The following ATP7A variants were observed in gnomAD, a reference collection of about 807,000 sequenced individuals.
ATP7A encodes ATPase copper transporting alpha, also known as copper-transporting ATPase 1.
Under a neutral mutation model 83.5 loss-of-function variants are expected in ATP7A, and 7 were observed. The ratio of observed to expected loss-of-function variants is 0.08; its 90% confidence interval spans 0.05 to 0.16. The LOEUF is 0.16. Ranked by LOEUF, ATP7A falls within the 10% of genes least tolerant of loss-of-function variation. The probability of loss-of-function intolerance (pLI) is 1.00; values close to 1 mark genes in which losing one functional copy is unlikely to be tolerated. For missense variants in ATP7A, 940 were observed against 1,120.8 expected (o/e 0.84, Z 2.30); for synonymous variants, 354 against 395.2 (o/e 0.90, Z 1.24).
intron 1 of ATP7A, among the ~76,000 whole-genome samples, chrX:77,952,593 C>G (rs2077419004): frequency 9.0e-6 from 1 of 111,064 alleles, no homozygotes; most frequent in Non-Finnish European, 1.9e-5. Flanking sequence ...CTTTTAAAGA[C>G]TCTTTAATGT....
At chrX:77,946,540 GA>G (rs2077380611) in intron 1 of ATP7A, among the ~76,000 whole-genome samples, 1 of 109,816 alleles carries the variant, frequency 9.1e-6, no homozygotes, top group African/African-American at 3.3e-5. Context: ...AATCAGAAGA[GA>G]GGGCAAAGTC....
intron 19 of ATP7A, among the ~76,000 whole-genome samples, chrX:78,041,698 C>A (rs1200165151): frequency 8.9e-6 from 1 of 112,080 alleles, no homozygotes; most frequent in Non-Finnish European, 1.9e-5. Flanking sequence ...CATATATGTG[C>A]ATATACAGAG....
intron 14 of ATP7A, among the ~76,000 whole-genome samples, chrX:78,027,462 C>G (rs1042436595): frequency 3.4e-4 from 38 of 111,614 alleles, no homozygotes; most frequent in African/African-American, 1.2e-3. Flanking sequence ...AAGACACAAA[C>G]AAATGGAAAA....
chrX:77,958,548 CT>C (rs1439566139), intron 1 of ATP7A, among the ~76,000 whole-genome samples: 1 of 110,712 alleles, frequency 9.0e-6, no homozygotes, highest in East Asian at 2.8e-4. Context: ...CAGCCTTGTT[CT>C]TTTTGCTTCA....
chrX:77,993,912 A>AT (rs782194748), intron 4 of ATP7A, among the ~76,000 whole-genome samples: 180 of 111,050 alleles, frequency 1.6e-3, no homozygotes, highest in African/African-American at 5.3e-3. Context: ...AATAGCTAGC[A>AT]TTTTTTTAGG....
At chrX:77,978,150 T>C (rs1557230531) in intron 2 of ATP7A, among the ~76,000 whole-genome samples, 2 of 111,780 alleles carry the variant, frequency 1.8e-5, no homozygotes, top group Non-Finnish European at 3.8e-5. Context: ...TCAATGACTC[T>C]TCTGTTAGAC....
intron 1 of ATP7A, chrX:77,966,692 T>G: frequency 3.5e-6 from 1 of 284,584 alleles, no homozygotes; most frequent in African/African-American, 2.7e-5. Flanking sequence ...GTAATGAAAA[T>G]GTTTTGCAAC....
In ATP7A at chrX:78,013,105, T is replaced by C; in HGVS notation, c.2399T>C (p.Ile800Thr). 8.3e-7 allele frequency: 1 copy of C among 1,202,728 alleles called. No homozygotes were observed. Among genetic ancestry groups the C allele is most frequent in the Non-Finnish European group, 1.1e-6 (1 of 887,293 alleles). ...GCACTAGGCCGATGGCTGGAACATA[T>C]AGCAAAGGTAAAGTAAGAAAGGGTG... is the stretch of plus-strand genomic sequence containing the variant. ...FIALGRWLEH[I>T]AKGKTSEALA... is the part of the protein sequence containing the mutation. The change falls in exon 10 of 23, where the codon ATA (isoleucine) becomes ACA (threonine). Residue 800 changes from isoleucine to threonine, a missense_variant. Ile to Thr is a moderately conservative substitution (Grantham distance 89). Around this residue, in one of 3 missense-constraint regions of ATP7A, gnomAD observed 204 missense variants for 185.8 expected, o/e 1.10. Transcript: ENST00000341514.
chrX:77,926,764 G>A lies in ATP7A; in HGVS notation c.-22+15929G>A, dbSNP rs185814521. On this transcript the variant is annotated intron_variant, in intron 1 of 22. Transcript: ENST00000341514. ...GTCACCCAGGCTAGAATGCAGTGGC[G>A]CAATCTCAGCTCACTGCAACCTCCA... Among the ~76,000 whole-genome samples, 47 of 108,560 alleles carry A rather than the reference G, an allele frequency of 4.3e-4. No homozygotes were observed. The East Asian group carries it at 7.8e-3, about 18-fold the overall frequency. The allele number at this position is 108,560 out of a possible 115,157, so 94.3% of individuals were successfully genotyped here.
intron 1 of ATP7A, among the ~76,000 whole-genome samples, chrX:77,932,080 C>G (rs1216806131): frequency 9.0e-6 from 1 of 110,740 alleles, no homozygotes; most frequent in African/African-American, 3.3e-5. Flanking sequence ...GGGTGGCTGC[C>G]GGGCGGAGAC....
intron 2 of ATP7A, among the ~76,000 whole-genome samples, chrX:77,974,001 ATTTAAG>A (rs782448276): frequency 2.5e-4 from 28 of 111,485 alleles, no homozygotes; most frequent in Non-Finnish European, 4.5e-4. Flanking sequence ...TAAATTTTAA[ATTTAAG>A]TTTAATTTCA....
intron 16 of ATP7A, among the ~76,000 whole-genome samples, 175 bp from the exon 17 acceptor site, chrX:78,033,430 G>A (rs1557237386): frequency 8.9e-6 from 1 of 112,974 alleles, no homozygotes; most frequent in African/African-American, 3.2e-5. Flanking sequence ...CTGTAACTTT[G>A]AATGTTATGT....
chrX:77,924,141 A>G (rs1410105267), intron 1 of ATP7A: 1 of 111,538 alleles, frequency 9.0e-6, no homozygotes. Context: ...GTTTTGTGAG[A>G]TGACAAAGTT....
rs149079962 is a variant in ATP7A, at chrX:78,046,334, C to A, written c.4267C>A (p.Arg1423=). The A allele has an allele frequency of 2.9e-5, 35 of 1,209,899 alleles. No homozygotes were observed. The African/African-American group carries it at 4.2e-4, about 14-fold the overall frequency. Residue 1423 remains arginine, a synonymous_variant, in exon 23 of 23, where the codon CGG becomes AGG. Coordinates refer to ENST00000341514, the MANE Select transcript of ATP7A (RefSeq NM_000052.7). ...PTYESYELPA[R]SQIGQKSPSE... ...TTACGAGAGTTATGAACTGCCTGCC[C>A]GGAGCCAGATAGGACAGAAGAGTCC...
At chrX:77,925,164 T>C (rs1207667579) in intron 1 of ATP7A, among the ~76,000 whole-genome samples, 5 of 112,101 alleles carry the variant, frequency 4.5e-5, no homozygotes, top group African/African-American at 1.3e-4. Context: ...ATGAAAAGTC[T>C]AAGTATTCTG....
At chrX:77,963,785 G>A (rs1344842283) in intron 1 of ATP7A, 2 of 110,562 alleles carry the variant, frequency 1.8e-5, no homozygotes, top group Admixed American at 9.6e-5. Flanking sequence ...ATTTTTAGTA[G>A]AGACAAGGTT....
intron 1 of ATP7A, among the ~76,000 whole-genome samples, chrX:77,944,066 A>G (rs184185466): frequency 5.8e-4 from 65 of 112,041 alleles, no homozygotes; most frequent in African/African-American, 2.1e-3. Flanking sequence ...ATTTTTCTAT[A>G]CCCTTGACCA....
At chrX:78,003,948 A>G (rs1220303120) in intron 6 of ATP7A, among the ~76,000 whole-genome samples, 2 of 111,467 alleles carry the variant, frequency 1.8e-5, no homozygotes, top group Non-Finnish European at 3.8e-5. Context: ...TTTTTTTAAA[A>G]AAAGGAATGT....
chrX:78,016,549 C>T (rs2077865563), intron 12 of ATP7A, among the ~76,000 whole-genome samples: 1 of 111,464 alleles, frequency 9.0e-6, no homozygotes, highest in African/African-American at 3.3e-5. Context: ...AAGACAAGTC[C>T]CTTCCACCTA....
Sources: allele counts gnomAD v4.1 joint callset (sites outside exome capture counted in the v4.1 genomes callset), GRCh38; gene constraint gnomAD v4.1.1; regional missense constraint gnomAD v4.1.1; transcripts MANE v1.5; gene names NCBI Gene and HGNC (gene_info 2026-07-23, HGNC 2026-07-21).